GPM6A: variants seen among roughly 807,000 people sequenced by gnomAD.
The protein encoded by GPM6A is glycoprotein M6A.
A neutral mutation model predicts 32.1 loss-of-function variants in GPM6A; 7 were observed. That is an observed-to-expected ratio of 0.22 (90% CI 0.12 to 0.41). GPM6A has a LOEUF of 0.41. Among genes scored for constraint, GPM6A ranks in the 10% least tolerant of loss-of-function variants. GPM6A has a pLI of 1.00. For missense variants in GPM6A, 235 were observed against 347.2 expected, an observed-to-expected ratio of 0.68 and a Z score of 2.57; for synonymous variants, 130 against 123.4, an observed-to-expected ratio of 1.05 and a Z score of -0.35.
intron 1 of GPM6A, among the ~76,000 whole-genome samples, chr4:175,929,832 G>A (rs1250807131): frequency 2.0e-5 from 3 of 152,068 alleles, no homozygotes; most frequent in African/African-American, 7.2e-5. Context: ...AAGCCCTTCG[G>A]AGATAGAAAC....
intron 1 of GPM6A, among the ~76,000 whole-genome samples, chr4:175,991,061 C>T (rs1033392017): frequency 4.7e-4 from 69 of 147,504 alleles, no homozygotes; most frequent in Non-Finnish European, 8.3e-4. Context: ...TTCTTTCTTT[C>T]TTTATCTTTC....
chr4:175,977,858 C>T (rs911953351), intron 1 of GPM6A, among the ~76,000 whole-genome samples: 1 of 152,102 alleles, frequency 6.6e-6, no homozygotes, highest in Non-Finnish European at 1.5e-5. Flanking sequence ...AGTGTGACTC[C>T]CAACTGAACT....
intron 1 of GPM6A, among the ~76,000 whole-genome samples, chr4:175,939,553 C>T (rs189503038): frequency 6.6e-6 from 1 of 152,206 alleles, no homozygotes; most frequent in Admixed American, 6.5e-5. Context: ...CACTCTTCAC[C>T]AATTTAAATG....
chr4:175,778,627 C>CAAAAAAAAAAAAAAAA (rs34286041), intron 1 of GPM6A, among the ~76,000 whole-genome samples: 2 of 75,200 alleles, frequency 2.7e-5, no homozygotes, highest in East Asian at 4.6e-4. Context: ...CTGTATCCAA[C>CAAAAAAAAAAAAAAAA]AAAAAAAAAA....
intron 1 of GPM6A, among the ~76,000 whole-genome samples, chr4:175,826,861 T>A (rs1735455888): frequency 6.6e-6 from 1 of 152,306 alleles, no homozygotes; most frequent in East Asian, 1.9e-4. Flanking sequence ...ATTTCTTTAT[T>A]AACAAGTAAT....
chr4:175,946,772 C>A (rs1023139966), intron 1 of GPM6A, among the ~76,000 whole-genome samples: 1 of 152,142 alleles, frequency 6.6e-6, no homozygotes, highest in Non-Finnish European at 1.5e-5. Flanking sequence ...CCTGGTAGAG[C>A]ATTCTGGGGC....
intron 1 of GPM6A, among the ~76,000 whole-genome samples, chr4:175,973,106 A>G (rs1001852492): frequency 1.3e-5 from 2 of 152,336 alleles, no homozygotes; most frequent in African/African-American, 4.8e-5. Context: ...GTTTAAAGAA[A>G]TAGACATGAA....
intron 6 of GPM6A, among the ~76,000 whole-genome samples, chr4:175,635,734 T>A (rs2110858690): frequency 6.6e-6 from 1 of 152,194 alleles, no homozygotes; most frequent in East Asian, 1.9e-4. Flanking sequence ...TTGACTTGAG[T>A]TTACCCAGCA....
At chr4:175,963,451 AATG>A (rs1010525595) in intron 1 of GPM6A, among the ~76,000 whole-genome samples, 3 of 152,182 alleles carry the variant, frequency 2.0e-5, no homozygotes, top group Non-Finnish European at 2.9e-5. Flanking sequence ...AAGTAAAAAT[AATG>A]ATATCAGACT....
intron 1 of GPM6A, among the ~76,000 whole-genome samples, chr4:175,965,405 C>T (rs1028529721): frequency 2.6e-5 from 4 of 151,808 alleles, no homozygotes; most frequent in African/African-American, 9.7e-5. Context: ...CAAACTAACT[C>T]TAAAGTAAGC....
chr4:175,997,750 C>T (rs879747695), intron 1 of GPM6A, among the ~76,000 whole-genome samples: 1 of 152,170 alleles, frequency 6.6e-6, no homozygotes. Flanking sequence ...AACAATTTTA[C>T]AGATACTTAA....
intron 1 of GPM6A, among the ~76,000 whole-genome samples, chr4:175,896,222 G>A (rs558664591): frequency 1.3e-5 from 2 of 152,186 alleles, no homozygotes; most frequent in South Asian, 2.1e-4. Flanking sequence ...GGGACTCAAG[G>A]TAGATGGTAA....
intron 1 of GPM6A, among the ~76,000 whole-genome samples, chr4:175,885,186 A>G (rs1297334029): frequency 6.6e-6 from 1 of 152,264 alleles, no homozygotes; most frequent in Non-Finnish European, 1.5e-5. Flanking sequence ...GTGAAATACT[A>G]CAAAATGATG....
At chr4:175,843,144 T>C (rs1735990055) in intron 1 of GPM6A, among the ~76,000 whole-genome samples, 1 of 152,098 alleles carries the variant, frequency 6.6e-6, no homozygotes, top group Non-Finnish European at 1.5e-5. Flanking sequence ...TCTATTGATC[T>C]ATACCCATGA....
At chr4:175,689,292 T>C (rs1744161648) in intron 2 of GPM6A, among the ~76,000 whole-genome samples, 1 of 152,232 alleles carries the variant, frequency 6.6e-6, no homozygotes, top group South Asian at 2.1e-4. Context: ...CAAATTGCCT[T>C]GGTTCATAAG....
intron 1 of GPM6A, among the ~76,000 whole-genome samples, chr4:175,742,365 A>T (rs1731921125): frequency 6.6e-6 from 1 of 152,148 alleles, no homozygotes; most frequent in Non-Finnish European, 1.5e-5. Context: ...ATATAAACTA[A>T]TTACCCAGCA....
chr4:175,640,527 G>C (rs920814238), intron 5 of GPM6A, among the ~76,000 whole-genome samples: 3 of 152,126 alleles, frequency 2.0e-5, no homozygotes, highest in Non-Finnish European at 1.5e-5. Context: ...TCATTAAAAT[G>C]AGTTTCCAGA....
chr4:175,700,265 A>G (rs1744805671), intron 2 of GPM6A, among the ~76,000 whole-genome samples: 1 of 152,204 alleles, frequency 6.6e-6, no homozygotes, highest in African/African-American at 2.4e-5. Context: ...TACTTTTATG[A>G]AAAACAATTT....
At chr4:175,832,329 A>AT (rs1553993750) in intron 1 of GPM6A, among the ~76,000 whole-genome samples, 1 of 152,142 alleles carries the variant, frequency 6.6e-6, no homozygotes, top group African/African-American at 2.4e-5. Context: ...AGAAAGTAGT[A>AT]TTTTTTTCTT....
Sources: allele counts gnomAD v4.1 joint callset (sites outside exome capture counted in the v4.1 genomes callset), GRCh38; gene constraint gnomAD v4.1.1; transcripts MANE v1.5; gene names NCBI Gene and HGNC (gene_info 2026-07-23, HGNC 2026-07-21).